Variants in CTXND1 observed in about 807,000 individuals in gnomAD.
The protein encoded by CTXND1 is cortexin domain-containing 1 protein.
intron 1 of CTXND1, among the ~76,000 whole-genome samples, chr15:80,218,858 A>G (rs891872324): frequency 2.0e-5 from 3 of 151,928 alleles, no homozygotes; most frequent in African/African-American, 7.2e-5. Context: ...GTTGTGGATC[A>G]TTCCTATGCA....
intron 1 of CTXND1, among the ~76,000 whole-genome samples, chr15:80,241,737 G>A (rs145925307): frequency 6.6e-4 from 101 of 152,218 alleles, no homozygotes; most frequent in African/African-American, 2.2e-3. Flanking sequence ...GAAGTCAGGC[G>A]CACTGGCCCT....
chr15:80,225,540 G>A (rs951699517), intron 1 of CTXND1, among the ~76,000 whole-genome samples: 1 of 151,912 alleles, frequency 6.6e-6, no homozygotes. Context: ...TCTCTCATAG[G>A]TTGTTACTTT....
intron 1 of CTXND1, among the ~76,000 whole-genome samples, chr15:80,233,597 C>T (rs74027282): frequency 0.016 from 2,494 of 152,176 alleles, 47 homozygotes; most frequent in African/African-American, 0.045. Flanking sequence ...AGGATTCTTC[C>T]TCCCTGAACA....
chr15:80,234,221 C>T (rs1173545060), intron 1 of CTXND1, among the ~76,000 whole-genome samples: 2 of 152,100 alleles, frequency 1.3e-5, no homozygotes, highest in South Asian at 2.1e-4. Flanking sequence ...TTTGGGGATA[C>T]GGATTGATTA....
rs891738576 is a variant in CTXND1, at chr15:80,197,934, C to G, written c.*3836G>C. 1 of 152,150 alleles carries G rather than the reference C, an allele frequency of 6.6e-6. No individual in the cohort carries two copies. Among genetic ancestry groups the G allele is most frequent in the African/African-American group, 2.4e-5 (1 of 41,424 alleles). 9.4% of individuals were successfully genotyped at this position (152,150 alleles called of 1,614,324 possible). ...CGATAAGAACATGTAGACATTTCAG[C>G]AACTAATTGGAAAAAAATGAAATAG... On this transcript the variant is annotated 3_prime_UTR_variant, in exon 3 of 3. Transcript: ENST00000560778.
chr15:80,222,669 T>C (rs1893330712), intron 1 of CTXND1, among the ~76,000 whole-genome samples: 1 of 152,196 alleles, frequency 6.6e-6, no homozygotes, highest in African/African-American at 2.4e-5. Context: ...GGTATAGTTG[T>C]AATTCTGCCA....
intron 1 of CTXND1, among the ~76,000 whole-genome samples, chr15:80,209,590 G>T (rs947484360): frequency 4.6e-5 from 7 of 152,232 alleles, no homozygotes; most frequent in Non-Finnish European, 1.0e-4. Flanking sequence ...GTGTAAGGTT[G>T]GGTTGTAGCA....
chr15:80,233,409 T>G (rs1893454726), intron 1 of CTXND1, among the ~76,000 whole-genome samples: 1 of 152,184 alleles, frequency 6.6e-6, no homozygotes, highest in Non-Finnish European at 1.5e-5. Flanking sequence ...TAGCTGTCAT[T>G]CTTACTTTTG....
At chr15:80,202,068 G>A (rs1022235027) in intron 2 of CTXND1, 54 bp from the exon 3 acceptor site, 2 of 397,546 alleles carry the variant, frequency 5.0e-6, no homozygotes, top group Non-Finnish European at 8.9e-6. Context: ...GGTGCCTGGG[G>A]TGATTGCAGG....
chr15:80,231,412 A>AG (rs1254919620), intron 1 of CTXND1, among the ~76,000 whole-genome samples: 1 of 152,098 alleles, frequency 6.6e-6, no homozygotes, highest in African/African-American at 2.4e-5. Flanking sequence ...AAGAAAAAAA[A>AG]AAAGAAAAAA....
At chr15:80,214,511 T>C (rs1316331711) in intron 1 of CTXND1, among the ~76,000 whole-genome samples, 2 of 152,176 alleles carry the variant, frequency 1.3e-5, no homozygotes, top group African/African-American at 2.4e-5. Flanking sequence ...AGCTTCTTGA[T>C]TTAAATAACA....
Position 80,240,031 on chromosome 15 carries a change from TCTC to T in CTXND1, c.-218+11973_-218+11975del, listed in dbSNP as rs1893546692. ...CCCAGGCTGGAGTGCAATGGCACGA[TCTC>T]AGCCCACCGCAACCTCCGTCTCCCA... On this transcript the variant is annotated intron_variant, in intron 1 of 2. Transcript: ENST00000560778. Among the ~76,000 whole-genome samples, 3 of 152,238 alleles carry T rather than the reference TCTC, an allele frequency of 2.0e-5. No homozygotes were observed. The South Asian group carries it at 6.2e-4, about 31-fold the overall frequency.
intron 1 of CTXND1, among the ~76,000 whole-genome samples, chr15:80,238,978 C>T (rs1014565500): frequency 6.6e-6 from 1 of 152,208 alleles, no homozygotes; most frequent in Non-Finnish European, 1.5e-5. Flanking sequence ...ATGCATTTCT[C>T]AGAATGGATC....
chr15:80,238,607 C>A (rs1416592662), intron 1 of CTXND1, among the ~76,000 whole-genome samples: 1 of 151,874 alleles, frequency 6.6e-6, no homozygotes, highest in Non-Finnish European at 1.5e-5. Flanking sequence ...GCCTCAGCCT[C>A]CCGAGTAGCT....
At chr15:80,241,674 A>G (rs1423733833) in intron 1 of CTXND1, among the ~76,000 whole-genome samples, 2 of 152,120 alleles carry the variant, frequency 1.3e-5, no homozygotes, top group Non-Finnish European at 2.9e-5. Flanking sequence ...TCCCCCACAG[A>G]GCTGAGATGA....
At chr15:80,207,598 T>C (rs767537186) in intron 1 of CTXND1, among the ~76,000 whole-genome samples, 4 of 152,228 alleles carry the variant, frequency 2.6e-5, no homozygotes, top group Non-Finnish European at 4.4e-5. Context: ...AGTTTCTTGA[T>C]ATACCTGATA....
intron 1 of CTXND1, among the ~76,000 whole-genome samples, chr15:80,250,762 T>A (rs1239698191): frequency 6.6e-6 from 1 of 152,212 alleles, no homozygotes; most frequent in Non-Finnish European, 1.5e-5. Flanking sequence ...GTAGCCTTAA[T>A]CAAAATCTAA....
intron 1 of CTXND1, among the ~76,000 whole-genome samples, chr15:80,220,600 G>A (rs1201052648): frequency 6.6e-6 from 1 of 152,100 alleles, no homozygotes; most frequent in Non-Finnish European, 1.5e-5. Flanking sequence ...TGTTGATTGC[G>A]ATTACATTGC....
chr15:80,242,958 T>C lies in CTXND1; in HGVS notation c.-218+9049A>G, dbSNP rs564725905. Among the ~76,000 whole-genome samples, 10 of 152,326 alleles carry C rather than the reference T, an allele frequency of 6.6e-5. No individual in the cohort carries two copies. In the South Asian group the frequency reaches 2.1e-3, roughly 32 times the overall value. ...TAAAGAAGTAGGCTGTGAGTTAGAA[T>C]TTCCAAACTTTGTTGCACAGGCAGG... is the stretch of plus-strand genomic sequence containing the variant. On this transcript the variant is annotated intron_variant, in intron 1 of 2. Coordinates refer to ENST00000560778, the MANE Select transcript of CTXND1 (RefSeq NM_001352888.2).
Sources: allele counts gnomAD v4.1 joint callset (sites outside exome capture counted in the v4.1 genomes callset), GRCh38; gene constraint gnomAD v4.1.1; transcripts MANE v1.5; gene names NCBI Gene and HGNC (gene_info 2026-07-23, HGNC 2026-07-21).